Variants in ARL15 observed in about 807,000 individuals in gnomAD.
The protein encoded by ARL15 is ARF like GTPase 15, also known as ADP-ribosylation factor-like protein 15.
In ARL15, 19 loss-of-function variants were observed where a neutral mutation model predicts 25.2. The observed-to-expected ratio is 0.75, with a 90% CI of 0.53 to 1.10. ARL15 has a LOEUF of 1.10. Among genes scored for constraint, ARL15 ranks in the 50% least tolerant of loss-of-function variants. The probability of loss-of-function intolerance (pLI) is 0.00; values close to 1 mark genes in which losing one functional copy is unlikely to be tolerated. For missense variants in ARL15, 220 were observed against 246.0 expected (o/e 0.89, Z 0.71); for synonymous variants, 94 against 86.8 (o/e 1.08, Z -0.46).
intron 1 of ARL15, among the ~76,000 whole-genome samples, chr5:54,243,727 G>A (rs1430283369): frequency 6.6e-6 from 1 of 152,224 alleles, no homozygotes; most frequent in Non-Finnish European, 1.5e-5. Flanking sequence ...TTCAAAAGAA[G>A]CTAGAAAACA....
chr5:53,910,675 A>AG (rs1745433314), intron 4 of ARL15, among the ~76,000 whole-genome samples: 1 of 141,132 alleles, frequency 7.1e-6, no homozygotes, highest in African/African-American at 2.6e-5. Context: ...ATATATATAA[A>AG]GAAAACGTCT....
chr5:54,088,607 A>G (rs1039768866), intron 4 of ARL15, among the ~76,000 whole-genome samples: 1 of 152,194 alleles, frequency 6.6e-6, no homozygotes, highest in African/African-American at 2.4e-5. Context: ...GATTTTCCTC[A>G]GTTTGTGTCC....
chr5:54,275,460 A>G, intron 1 of ARL15, among the ~76,000 whole-genome samples: 1 of 152,106 alleles, frequency 6.6e-6, no homozygotes, highest in Admixed American at 6.5e-5. Flanking sequence ...TGATTTCCAG[A>G]TCATGCCCCC....
rs35235754 is a variant in ARL15, at chr5:53,886,072, CA to C, written c.*488del. 15,551 of 130,776 alleles carry C rather than the reference CA, an allele frequency of 0.12. 875 individuals carry two copies. Among genetic ancestry groups the C allele is most frequent in the South Asian group, 0.17 (689 of 4,012 alleles). 8.1% of individuals were successfully genotyped at this position (130,776 alleles called of 1,614,324 possible). ...CTCATAGTCTATAAGCTCAGTATACCAAAAAAAAAAAAAAATTAGATAAAAT... is the reference window on the plus strand; with the variant it reads ...CTCATAGTCTATAAGCTCAGTATACCAAAAAAAAAAAAAATTAGATAAAAT... On this transcript the variant is annotated 3_prime_UTR_variant, in exon 5 of 5. Coordinates refer to ENST00000504924, the MANE Select transcript of ARL15 (RefSeq NM_019087.3).
intron 1 of ARL15, among the ~76,000 whole-genome samples, chr5:54,224,394 A>G (rs1358265251): frequency 6.6e-6 from 1 of 152,236 alleles, no homozygotes; most frequent in Non-Finnish European, 1.5e-5. Flanking sequence ...TTAATCTTGA[A>G]GAATCCAAGT....
At chr5:53,887,855 C>T (rs1362378702) in intron 4 of ARL15, among the ~76,000 whole-genome samples, 1 of 152,086 alleles carries the variant, frequency 6.6e-6, no homozygotes, top group African/African-American at 2.4e-5. Context: ...TTTATTTTGC[C>T]AGTACCAGTG....
At chr5:53,907,218 A>C (rs577094029) in intron 4 of ARL15, among the ~76,000 whole-genome samples, 7 of 151,952 alleles carry the variant, frequency 4.6e-5, no homozygotes, top group Admixed American at 1.3e-4. Context: ...TATTCCTCCC[A>C]CATTCCATCT....
chr5:54,160,020 A>G (rs1754356577), intron 2 of ARL15, among the ~76,000 whole-genome samples: 1 of 152,228 alleles, frequency 6.6e-6, no homozygotes, highest in Non-Finnish European at 1.5e-5. Flanking sequence ...GTGCACGCAC[A>G]CAGATACTTG....
intron 4 of ARL15, among the ~76,000 whole-genome samples, chr5:53,933,521 T>C (rs1746259775): frequency 6.6e-6 from 1 of 151,484 alleles, no homozygotes; most frequent in African/African-American, 2.4e-5. Flanking sequence ...GGTGGGCACC[T>C]GTAGTCCCAG....
chr5:54,138,319 A>T (rs932473148), intron 3 of ARL15, among the ~76,000 whole-genome samples: 1 of 152,220 alleles, frequency 6.6e-6, no homozygotes, highest in Admixed American at 6.5e-5. Flanking sequence ...CTCTAAAAAA[A>T]TAAAAATAAA....
intron 1 of ARL15, among the ~76,000 whole-genome samples, chr5:54,229,182 A>C (rs1185169624): frequency 6.6e-6 from 1 of 152,134 alleles, no homozygotes; most frequent in East Asian, 1.9e-4. Flanking sequence ...ATCCAACTAT[A>C]GCCTTCCTAG....
At chr5:54,203,546 CTT>C in intron 1 of ARL15, among the ~76,000 whole-genome samples, 1 of 151,982 alleles carries the variant, frequency 6.6e-6, no homozygotes, top group East Asian at 1.9e-4. Context: ...TATATAAAGT[CTT>C]TGAAAGTATG....
At chr5:54,246,326 T>C (rs558520916) in intron 1 of ARL15, among the ~76,000 whole-genome samples, 1 of 152,206 alleles carries the variant, frequency 6.6e-6, no homozygotes, top group African/African-American at 2.4e-5. Context: ...CTCCGACAAC[T>C]TGCCCACTCC....
rs1008401970 is a variant in ARL15, at chr5:53,965,584, A to G, written c.463-78871T>C. 4.6e-5 allele frequency among the ~76,000 whole-genome samples: 7 copies of G among 151,056 alleles called. No individual in the cohort carries two copies. The South Asian group carries it at 6.3e-4, about 13-fold the overall frequency. On this transcript the variant is annotated intron_variant, in intron 4 of 4. Transcript: ENST00000504924. ...TTTTGGGCCTTGAATTAAATGGGCC[A>G]TGGACTGTGTGTGCATTTTGGGATT...
At chr5:53,967,664 G>A (rs2112170943) in intron 4 of ARL15, among the ~76,000 whole-genome samples, 1 of 152,298 alleles carries the variant, frequency 6.6e-6, no homozygotes, top group South Asian at 2.1e-4. Flanking sequence ...GATACACAGA[G>A]CTGCCTTCAG....
intron 4 of ARL15, among the ~76,000 whole-genome samples, chr5:54,083,395 T>G (rs79096530): frequency 6.6e-6 from 1 of 152,158 alleles, no homozygotes; most frequent in Non-Finnish European, 1.5e-5. Context: ...CTCTTAAATA[T>G]TCTATGCAAT....
chr5:53,984,264 C>A (rs1336787051), intron 4 of ARL15, among the ~76,000 whole-genome samples: 1 of 152,188 alleles, frequency 6.6e-6, no homozygotes, highest in African/African-American at 2.4e-5. Flanking sequence ...CTCTCTCCAG[C>A]TGTTCCACAT....
chr5:54,085,064 A>G (rs1036225800), intron 4 of ARL15, among the ~76,000 whole-genome samples: 1 of 152,216 alleles, frequency 6.6e-6, no homozygotes, highest in African/African-American at 2.4e-5. Flanking sequence ...GAACAAATAT[A>G]TCTTGGATAC....
intron 4 of ARL15, among the ~76,000 whole-genome samples, chr5:54,110,515 T>C (rs910014226): frequency 3.9e-5 from 6 of 152,046 alleles, no homozygotes; most frequent in Admixed American, 3.9e-4. Flanking sequence ...GTAAGTTGAA[T>C]GCACCTTCCT....
Sources: gnomAD v4.1 joint callset for allele counts (sites outside exome capture counted in the v4.1 genomes callset) on GRCh38, gnomAD v4.1.1 for gene constraint, MANE v1.5 for transcripts, NCBI Gene and HGNC (gene_info 2026-07-23, HGNC 2026-07-21) for gene names.